SPATA1: variants seen among roughly 807,000 people sequenced by gnomAD.
The protein encoded by SPATA1 is spermatogenesis-associated protein 1.
SPATA1 carries 57 observed loss-of-function variants against 59.6 expected under a neutral mutation model. The ratio of observed to expected loss-of-function variants is 0.96; its 90% CI spans 0.77 to 1.19. The LOEUF (loss-of-function observed/expected upper bound fraction) is 1.19. Among genes scored for constraint, SPATA1 ranks in the 50% most tolerant of loss-of-function variants. The pLI is 0.00. For missense variants in SPATA1, 448 were observed against 480.7 expected (o/e 0.93, Z 0.64); for synonymous variants, 147 against 163.9 (o/e 0.90, Z 0.79).
chr1:84,537,479 C>T (rs1398730171), intron 8 of SPATA1, among the ~76,000 whole-genome samples: 1 of 152,158 alleles, frequency 6.6e-6, no homozygotes, highest in Non-Finnish European at 1.5e-5. Context: ...CATGAAGATT[C>T]ACATCCCCTT....
At chr1:84,526,426 A>AAC (rs1325442017) in intron 6 of SPATA1, among the ~76,000 whole-genome samples, 24 of 152,296 alleles carry the variant, frequency 1.6e-4, no homozygotes. Context: ...CAGAGACCAG[A>AAC]GGGATCAGGA....
At chr1:84,514,578 G>A (rs1023152739) in intron 1 of SPATA1, among the ~76,000 whole-genome samples, 19 of 152,020 alleles carry the variant, frequency 1.2e-4, no homozygotes, top group African/African-American at 4.1e-4. Context: ...TTAAAATTAC[G>A]GATACTCAAC....
At position 84,520,681 on chromosome 1, in the gene SPATA1, GGA is replaced by G. The variant is rs766000380; in HGVS notation, c.134_135del (p.Gly45ValfsTer19). ...AGTTGTTAACAAATTCATTTCAGCTGGATTTCTAAGGCAAGTGTTGTGTAGTC... is the reference window on the plus strand; with the variant it reads ...AGTTGTTAACAAATTCATTTCAGCTGTTTCTAAGGCAAGTGTTGTGTAGTC... On this transcript the variant is annotated frameshift_variant, in exon 3 of 13. Coordinates refer to ENST00000490879, the Ensembl canonical transcript of SPATA1. LOFTEE classifies it high-confidence loss of function. 1.9e-6 allele frequency: 3 copies of G among 1,552,724 alleles called. No homozygotes were observed. The South Asian group carries it at 3.7e-5, about 19-fold the overall frequency.
intron 8 of SPATA1, among the ~76,000 whole-genome samples, chr1:84,538,859 C>G (rs6692765): frequency 0.46 from 69,148 of 151,958 alleles, 17,693 homozygotes; most frequent in African/African-American, 0.7. Flanking sequence ...GAATGCAGTG[C>G]AGTGTTCACA....
chr1:84,563,589 T>A (rs1286033355), intron 4 of SPATA1: 2 of 643,084 alleles, frequency 3.1e-6, no homozygotes, highest in Non-Finnish European at 2.4e-6. Flanking sequence ...ATGATAATCA[T>A]AAGCTTTCAT....
chr1:84,544,888 T>A (rs1334812271), intron 9 of SPATA1, among the ~76,000 whole-genome samples: 2 of 151,732 alleles, frequency 1.3e-5, no homozygotes, highest in Non-Finnish European at 2.9e-5. Context: ...TTACTACATA[T>A]GTTTAGTCAC....
At chr1:84,522,142 C>T (rs1164580386) in intron 3 of SPATA1, among the ~76,000 whole-genome samples, 1 of 152,040 alleles carries the variant, frequency 6.6e-6, no homozygotes, top group African/African-American at 2.4e-5. Flanking sequence ...TTTTCCTTTT[C>T]AGTACAAAAC....
At position 84,548,781 on chromosome 1, in the gene SPATA1, T is replaced by TTTTGA; in HGVS notation, c.947-5_947-4insTTTGA. 2.6e-6 allele frequency: 2 copies of TTTTGA among 762,506 alleles called. No homozygotes were observed. Among genetic ancestry groups the TTTTGA allele is most frequent in the Middle Eastern group, 4.2e-4 (1 of 2,404 alleles). 47.2% of individuals were successfully genotyped at this position (762,506 alleles called of 1,614,324 possible). On this transcript the variant is annotated splice_region_variant and splice_polypyrimidine_tract_variant and intron_variant, in intron 10 of 12. Transcript: ENST00000490879. ...TTTTTTTTTTTTTTTTTTTTTTTTTTATAGCCTACAATGGTTGGAAGAAAA... is the reference window on the plus strand; with the variant it reads ...TTTTTTTTTTTTTTTTTTTTTTTTTTTTTGAATAGCCTACAATGGTTGGAAGAAAA...
At chr1:84,565,431 T>A (rs1243734775) in intron 4 of SPATA1, among the ~76,000 whole-genome samples, 1 of 152,198 alleles carries the variant, frequency 6.6e-6, no homozygotes. Context: ...CCCAACCATA[T>A]CTATCTTTGC....
intron 4 of SPATA1, among the ~76,000 whole-genome samples, chr1:84,561,032 T>G (rs1570469944): frequency 6.6e-6 from 1 of 152,226 alleles, no homozygotes; most frequent in East Asian, 1.9e-4. Context: ...AATTTCAACT[T>G]TTAACTCTTA....
chr1:84,510,408 A>G (rs1206704252), intron 1 of SPATA1, among the ~76,000 whole-genome samples: 2 of 152,230 alleles, frequency 1.3e-5, no homozygotes, highest in Admixed American at 6.5e-5. Flanking sequence ...ATGAAAAGGT[A>G]TTCAACATCA....
chr1:84,528,171 T>A (rs72948493), intron 6 of SPATA1, among the ~76,000 whole-genome samples: 2,031 of 152,340 alleles, frequency 0.013, 45 homozygotes, highest in African/African-American at 0.045. Context: ...CCAGTAGAGA[T>A]AACTACTACT....
chr1:84,509,151 A>G (rs1459123508), intron 1 of SPATA1, among the ~76,000 whole-genome samples: 1 of 152,006 alleles, frequency 6.6e-6, no homozygotes, highest in African/African-American at 2.4e-5. Flanking sequence ...GAATCATGTT[A>G]CCTGACCTCA....
chr1:84,564,914 C>T (rs765415033), intron 4 of SPATA1, among the ~76,000 whole-genome samples: 2 of 152,004 alleles, frequency 1.3e-5, no homozygotes, highest in Non-Finnish European at 2.9e-5. Flanking sequence ...TGGTGCATGC[C>T]TGTATACCCA....
At chr1:84,516,153 A>G (rs1682784218) in intron 1 of SPATA1, 70 bp from the exon 2 acceptor site, 2 of 485,400 alleles carry the variant, frequency 4.1e-6, no homozygotes, top group African/African-American at 2.0e-5. Flanking sequence ...GATTGTATAT[A>G]TGTCTAAGTT....
intron 4 of SPATA1, among the ~76,000 whole-genome samples, chr1:84,565,221 A>G (rs565520837): frequency 1.3e-5 from 2 of 152,248 alleles, no homozygotes; most frequent in East Asian, 3.9e-4. Flanking sequence ...TTAAAAAAAA[A>G]AACAAAAGAA....
intron 4 of SPATA1, chr1:84,563,676 G>A (rs1199297037): frequency 2.5e-5 from 25 of 1,014,500 alleles, no homozygotes; most frequent in Middle Eastern, 6.5e-4. Flanking sequence ...AATGAAAACA[G>A]AGAGACTCTA....
At chr1:84,555,059 T>C (rs1402237599), downstream of SPATA1, 1 of 1,613,916 alleles carries the variant, frequency 6.2e-7, no homozygotes, top group Admixed American at 1.7e-5. Context: ...GCTGTTTGGC[T>C]ACAGCATCTC....
rs2135552 is a variant in SPATA1, at chr1:84,516,171, G to A, written c.-137-52G>A. 3,599 of 505,016 alleles carry A rather than the reference G, an allele frequency of 7.1e-3. 97 individuals carry two copies. The highest frequency in any genetic ancestry group is 0.062 in the African/African-American group (3,051 of 49,236). 31.3% of individuals were successfully genotyped at this position (505,016 alleles called of 1,614,324 possible). On this transcript the variant is annotated intron_variant, in intron 1 of 12. Transcript: ENST00000490879. Reference sequence around the variant, plus strand: ...TGTATATATGTCTAAGTTTTCATTTGTAGTTTATTTAATGCTTTTGTGTTT... The same window carrying A: ...TGTATATATGTCTAAGTTTTCATTTATAGTTTATTTAATGCTTTTGTGTTT...
Sources: allele counts gnomAD v4.1 joint callset (sites outside exome capture counted in the v4.1 genomes callset), GRCh38; gene constraint gnomAD v4.1.1; transcripts MANE v1.5; gene names NCBI Gene and HGNC (gene_info 2026-07-23, HGNC 2026-07-21).